Variants in CFH observed in about 807,000 individuals in gnomAD.
CFH encodes the protein H factor 1 (complement).
Under a neutral mutation model 147.3 loss-of-function variants are expected in CFH, and 53 were observed. The ratio of observed to expected loss-of-function variants is 0.36; its 90% CI spans 0.29 to 0.45. CFH has a LOEUF of 0.45. CFH is among the 20% of genes least tolerant of loss of function. The pLI is 1.00. For synonymous variants in CFH, 536 were observed against 489.4 expected (o/e 1.10, Z -1.26); for missense variants, 1,380 against 1,498.0 (o/e 0.92, Z 1.30).
At chr1:196,742,910 G>A (rs1195096634) in intron 19 of CFH, among the ~76,000 whole-genome samples, 1 of 151,968 alleles carries the variant, frequency 6.6e-6, no homozygotes, top group Non-Finnish European at 1.5e-5. Context: ...CTCCAATTTG[G>A]ATCCTTTGAT....
chr1:196,689,919 C>T, intron 8 of CFH, 144 bp from the exon 9 acceptor site: 2 of 990,348 alleles, frequency 2.0e-6, no homozygotes, highest in Non-Finnish European at 2.9e-6. Flanking sequence ...TTGTTAGTAA[C>T]TTTAGTTCGT....
intron 19 of CFH, 141 bp from the exon 20 acceptor site, chr1:196,743,311 A>C: frequency 3.8e-6 from 5 of 1,318,212 alleles, no homozygotes; most frequent in African/African-American, 3.0e-5. Flanking sequence ...ATTACATTTA[A>C]ATTTATTAAA....
intron 6 of CFH, 73 bp downstream of exon 6, chr1:196,679,866 C>T (rs1309965074): frequency 3.0e-6 from 4 of 1,333,760 alleles, no homozygotes; most frequent in Non-Finnish European, 4.2e-6. Flanking sequence ...AATAAATCCA[C>T]TTATTTTAAT....
At chr1:196,663,431 A>T (rs558721916) in intron 1 of CFH, among the ~76,000 whole-genome samples, 2 of 152,300 alleles carry the variant, frequency 1.3e-5, no homozygotes, top group African/African-American at 4.8e-5. Context: ...AAAATCTGCT[A>T]CTACTTTGTT....
At chr1:196,739,381 C>G (rs574158100) in intron 17 of CFH, among the ~76,000 whole-genome samples, 1 of 152,160 alleles carries the variant, frequency 6.6e-6, no homozygotes, top group Non-Finnish European at 1.5e-5. Context: ...TTATGCTCTG[C>G]TTCCTCTTGA....
In CFH at chr1:196,737,571, G is replaced by C. The variant is rs1361345512; in HGVS notation, c.2693G>C (p.Ser898Thr). The C allele has an allele frequency of 1.9e-6, 3 of 1,613,236 alleles. No homozygotes were observed. The African/African-American group carries it at 4.0e-5, about 22-fold the overall frequency. The stretch of plus-strand genomic sequence containing the variant: ...AGTTATGCACATGGGACTAAATTGA[G>C]TTATACTTGTGAGGGTGGTTTCAGG... ...QESYAHGTKL[S>T]YTCEGGFRIS... The change falls in exon 17 of 22, where the codon AGT becomes ACT. Residue 898 changes from serine (S) to threonine (T), a missense_variant. By Grantham distance (58) the Ser-to-Thr change is moderately conservative. Transcript: ENST00000367429.
intron 6 of CFH, among the ~76,000 whole-genome samples, chr1:196,683,336 A>C (rs1342139598): frequency 6.6e-6 from 1 of 151,764 alleles, no homozygotes; most frequent in Non-Finnish European, 1.5e-5. Flanking sequence ...AATATGTGAA[A>C]TGCAAAGCAT....
chr1:196,715,654 G>A lies in CFH; in HGVS notation c.1581G>A (p.Lys527=), dbSNP rs1226536022. 2 of 1,612,606 alleles carry A rather than the reference G, an allele frequency of 1.2e-6. No individual in the cohort carries two copies. Among genetic ancestry groups the A allele is most frequent in the East Asian group, 2.2e-5 (1 of 44,742 alleles). The part of the protein sequence containing the change: ...ARTKNDFTWF[K]LNDTLDYECH... ...CTAAAAATGACTTCACATGGTTTAA[G>A]CTGAATGACACATTGGACTATGAAT... Residue 527 remains lysine (K), a synonymous_variant, in exon 11 of 22, where the codon AAG becomes AAA. Transcript: ENST00000367429.
At position 196,652,079 on chromosome 1, in the gene CFH, A is replaced by G. The variant is rs368437292; in HGVS notation, c.-39A>G. On this transcript the variant is annotated 5_prime_UTR_variant, in exon 1 of 22. Coordinates refer to ENST00000367429, the MANE Select transcript of CFH (RefSeq NM_000186.4). Reference sequence around the variant, plus strand: ...AAGAGGAGAACTGGACGTTGTGAACAGAGTTAGCTGGTAAATGTCCTCTTA... The same window carrying G: ...AAGAGGAGAACTGGACGTTGTGAACGGAGTTAGCTGGTAAATGTCCTCTTA... 13 of 1,409,708 alleles carry G rather than the reference A, an allele frequency of 9.2e-6. No individual in the cohort carries two copies. Among genetic ancestry groups the G allele is most frequent in the Non-Finnish European group, 1.3e-5 (13 of 993,868 alleles). 87.3% of individuals were successfully genotyped at this position (1,409,708 alleles called of 1,614,324 possible).
rs543200214 is a variant in CFH, at chr1:196,691,326, G to C, written c.1336+1087G>C. ...CTCTAGTATATGTAAGTACAAATGG[G>C]TATTCTGAGATCTTGTGCATATTCT... On this transcript the variant is annotated intron_variant, in intron 9 of 21. Transcript: ENST00000367429. Among the ~76,000 whole-genome samples, 60 of 152,132 alleles carry C rather than the reference G, an allele frequency of 3.9e-4. 1 individual carries two copies. Among genetic ancestry groups the C allele is most frequent in the African/African-American group, 1.2e-3 (48 of 41,532 alleles).
intron 11 of CFH, among the ~76,000 whole-genome samples, 200 bp from the exon 12 acceptor site, chr1:196,724,921 C>T: frequency 6.6e-6 from 1 of 151,974 alleles, no homozygotes; most frequent in East Asian, 1.9e-4. Context: ...ATTTCAATAC[C>T]ATAACATTTA....
At chr1:196,661,734 C>T (rs1208347026) in intron 1 of CFH, among the ~76,000 whole-genome samples, 1 of 152,128 alleles carries the variant, frequency 6.6e-6, no homozygotes, top group African/African-American at 2.4e-5. Flanking sequence ...ATAGCATATG[C>T]CTTCTTAACT....
chr1:196,746,113 C>A (rs1652995493), intron 21 of CFH, 114 bp downstream of exon 21: 1 of 1,560,666 alleles, frequency 6.4e-7, no homozygotes, highest in African/African-American at 1.4e-5. Context: ...TGAATGCTTG[C>A]CTACCAAATA....
intron 5 of CFH, chr1:196,678,290 AT>A (rs1451873670): frequency 6.5e-6 from 1 of 153,346 alleles, no homozygotes; most frequent in Non-Finnish European, 1.5e-5. Flanking sequence ...GTAAGCCAGG[AT>A]TTTTTTAGTC....
intron 11 of CFH, among the ~76,000 whole-genome samples, chr1:196,721,446 G>A (rs1446004114): frequency 1.3e-5 from 2 of 151,860 alleles, no homozygotes; most frequent in African/African-American, 4.8e-5. Flanking sequence ...TTAAAATTTT[G>A]GGAACTTGCT....
chr1:196,681,455 T>G (rs899348745), intron 6 of CFH, among the ~76,000 whole-genome samples: 1 of 146,126 alleles, frequency 6.8e-6, no homozygotes, highest in African/African-American at 2.5e-5. Context: ...TTGCTTCTCT[T>G]GAACACTAAT....
In CFH at chr1:196,714,056, A is replaced by T. The variant is rs556581011; in HGVS notation, c.1519+139A>T. ...ACCTGCAGGAACAAAGCAGACATCA[A>T]TTTTTTTTCCTTTTCACATTAATTA... On this transcript the variant is annotated intron_variant, in intron 10 of 21. Coordinates refer to ENST00000367429, the MANE Select transcript of CFH (RefSeq NM_000186.4). 4.6e-4 allele frequency: 338 copies of T among 739,616 alleles called. 1 individual carries two copies. Among genetic ancestry groups the T allele is most frequent in the Middle Eastern group, 3.0e-3 (9 of 3,026 alleles). The allele number at this position is 739,616 out of a possible 1,614,324, so 45.8% of individuals were successfully genotyped here.
At chr1:196,735,553 G>A (rs1039516606) in intron 15 of CFH, among the ~76,000 whole-genome samples, 1 of 151,524 alleles carries the variant, frequency 6.6e-6, no homozygotes, top group Non-Finnish European at 1.5e-5. Context: ...AAAATCAATG[G>A]GATACAGCTG....
intron 9 of CFH, among the ~76,000 whole-genome samples, chr1:196,695,370 C>T (rs1433568596): frequency 6.6e-6 from 1 of 152,056 alleles, no homozygotes; most frequent in African/African-American, 2.4e-5. Flanking sequence ...GCCTATATAT[C>T]TGTTCTGGTA....
Sources: gnomAD v4.1 joint callset for allele counts (sites outside exome capture counted in the v4.1 genomes callset) on GRCh38, gnomAD v4.1.1 for gene constraint, MANE v1.5 for transcripts, NCBI Gene and HGNC (gene_info 2026-07-23, HGNC 2026-07-21) for gene names.